LCLAT1: variants seen among roughly 807,000 people sequenced by gnomAD.
LCLAT1 encodes the protein lysocardiolipin acyltransferase 1, also known as 1-AGP acyltransferase 8.
Under a neutral mutation model 30.7 loss-of-function variants are expected in LCLAT1, and 11 were observed. The ratio of observed to expected loss-of-function variants is 0.36; its 90% confidence interval spans 0.23 to 0.59. The LOEUF is 0.59. Among genes scored for constraint, LCLAT1 ranks in the 20% least tolerant of loss-of-function variants. The pLI is 0.77. For synonymous variants in LCLAT1, 155 were observed against 151.3 expected (o/e 1.02, Z -0.18); for missense variants, 402 against 458.6 (o/e 0.88, Z 1.13).
Position 30,568,049 on chromosome 2 carries a change from GT to G in LCLAT1, c.512-7del. The G allele has an allele frequency of 1.5e-6, 2 of 1,374,276 alleles. No individual in the cohort carries two copies. The highest frequency in any genetic ancestry group is 2.4e-5 in the South Asian group (2 of 81,878). 85.1% of individuals were successfully genotyped at this position (1,374,276 alleles called of 1,614,324 possible). On this transcript the variant is annotated splice_polypyrimidine_tract_variant and intron_variant, in intron 4 of 5. Coordinates refer to ENST00000379509, the MANE Select transcript of LCLAT1 (RefSeq NM_001002257.3). ...AGTTTATGATTTATAATGGTCCATT[GT>G]TTTGTTTAGAAAACAGCAAGTCTCG...
intron 4 of LCLAT1, among the ~76,000 whole-genome samples, chr2:30,563,053 C>CTT (rs77787354): frequency 2.7e-5 from 4 of 146,640 alleles, no homozygotes; most frequent in Admixed American, 2.1e-4. Flanking sequence ...AAATATTAAA[C>CTT]TTTTTTTTTT....
At chr2:30,459,641 T>A in intron 1 of LCLAT1, 1 of 1,614,066 alleles carries the variant, frequency 6.2e-7, no homozygotes, top group Non-Finnish European at 8.5e-7. Context: ...GAAATTGTGG[T>A]GCTTCTGAAC....
chr2:30,533,061 TTACC>T (rs1286371593), intron 2 of LCLAT1, 51 bp from the exon 3 acceptor site: 14 of 1,253,790 alleles, frequency 1.1e-5, no homozygotes, highest in Admixed American at 3.4e-5. Flanking sequence ...ATGATAAAAT[TTACC>T]TATGGAAAAT....
intron 5 of LCLAT1, among the ~76,000 whole-genome samples, chr2:30,615,542 A>G (rs1344383433): frequency 1.3e-5 from 2 of 152,150 alleles, no homozygotes; most frequent in Non-Finnish European, 2.9e-5. Flanking sequence ...GCTTTTGGCC[A>G]GTGATCAGGA....
At chr2:30,493,238 T>G (rs1683920318) in intron 1 of LCLAT1, among the ~76,000 whole-genome samples, 1 of 152,232 alleles carries the variant, frequency 6.6e-6, no homozygotes, top group African/African-American at 2.4e-5. Context: ...GACTTTCATA[T>G]AGTGAAACTC....
chr2:30,523,144 A>C (rs1685554058), intron 1 of LCLAT1, among the ~76,000 whole-genome samples: 1 of 152,052 alleles, frequency 6.6e-6, no homozygotes, highest in Admixed American at 6.5e-5. Context: ...AGAAAAAAAA[A>C]CAGTAGATAG....
At chr2:30,633,717 T>TA (rs1230814806) in intron 5 of LCLAT1, among the ~76,000 whole-genome samples, 1 of 152,192 alleles carries the variant, frequency 6.6e-6, no homozygotes, top group Non-Finnish European at 1.5e-5. Context: ...AAGTTACATG[T>TA]TTATATAGTC....
chr2:30,593,012 T>A (rs1666765086), intron 5 of LCLAT1, among the ~76,000 whole-genome samples: 2 of 152,162 alleles, frequency 1.3e-5, no homozygotes, highest in Non-Finnish European at 2.9e-5. Flanking sequence ...TAGAACTTAC[T>A]CCTTCTAACT....
intron 3 of LCLAT1, among the ~76,000 whole-genome samples, chr2:30,561,416 G>A (rs17009740): frequency 0.071 from 10,871 of 152,102 alleles, 649 homozygotes; most frequent in African/African-American, 0.16. Flanking sequence ...TGCTTTGTGG[G>A]CTATTGGACA....
intron 1 of LCLAT1, among the ~76,000 whole-genome samples, chr2:30,506,166 T>C (rs1684648603): frequency 6.6e-6 from 1 of 152,146 alleles, no homozygotes; most frequent in South Asian, 2.1e-4. Context: ...AAGCTTGTTA[T>C]CTTGTAACTT....
intron 1 of LCLAT1, among the ~76,000 whole-genome samples, chr2:30,497,471 G>A (rs1178216563): frequency 2.0e-5 from 3 of 152,030 alleles, no homozygotes; most frequent in African/African-American, 7.2e-5. Context: ...AACTATTTTT[G>A]TGCCATTTTG....
At chr2:30,472,388 C>T (rs1682843692) in intron 1 of LCLAT1, among the ~76,000 whole-genome samples, 1 of 152,074 alleles carries the variant, frequency 6.6e-6, no homozygotes, top group Non-Finnish European at 1.5e-5. Flanking sequence ...CAGATTAAGC[C>T]TTTTAATGTT....
Position 30,641,664 on chromosome 2 carries a change from A to C in LCLAT1, c.*1045A>C, listed in dbSNP as rs1572736011. 6.6e-6 allele frequency: 1 copy of C among 152,330 alleles called. No individual in the cohort carries two copies. Among genetic ancestry groups the C allele is most frequent in the East Asian group, 1.9e-4 (1 of 5,190 alleles). The allele number at this position is 152,330 out of a possible 1,614,324, so 9.4% of individuals were successfully genotyped here. A position where few individuals can be genotyped will look rare whatever the true frequency, so the allele number is the denominator to read the frequency against. ...CTTGACAAATTTTACCTTAAAACCAAAATGAAACACAAAAATTAATCCTTA... is the reference window on the plus strand; with the variant it reads ...CTTGACAAATTTTACCTTAAAACCACAATGAAACACAAAAATTAATCCTTA... On this transcript the variant is annotated 3_prime_UTR_variant, in exon 6 of 6. Coordinates refer to ENST00000379509, the MANE Select transcript of LCLAT1 (RefSeq NM_001002257.3).
At chr2:30,469,647 G>A (rs1437050095) in intron 1 of LCLAT1, among the ~76,000 whole-genome samples, 2 of 141,662 alleles carry the variant, frequency 1.4e-5, no homozygotes, top group Non-Finnish European at 3.0e-5. Context: ...GGTGTGATCT[G>A]GACTCACTAC....
intron 5 of LCLAT1, among the ~76,000 whole-genome samples, chr2:30,602,830 G>A (rs923907744): frequency 2.0e-5 from 3 of 152,094 alleles, no homozygotes; most frequent in African/African-American, 4.8e-5. Flanking sequence ...CTCAGCCCTG[G>A]CTTCCCATCC....
intron 5 of LCLAT1, among the ~76,000 whole-genome samples, chr2:30,602,445 G>T (rs1214025197): frequency 1.3e-5 from 2 of 152,158 alleles, no homozygotes; most frequent in African/African-American, 4.8e-5. Flanking sequence ...GCTACAACGT[G>T]AATTTTGTTT....
At chr2:30,615,911 G>A (rs1667973276) in intron 5 of LCLAT1, among the ~76,000 whole-genome samples, 1 of 152,204 alleles carries the variant, frequency 6.6e-6, no homozygotes, top group South Asian at 2.1e-4. Flanking sequence ...TCACATTGGA[G>A]TATAATCAGT....
chr2:30,537,081 A>T (rs987772254), intron 3 of LCLAT1, among the ~76,000 whole-genome samples: 1 of 152,224 alleles, frequency 6.6e-6, no homozygotes, highest in African/African-American at 2.4e-5. Context: ...AGTGTATCAG[A>T]TAAGATAGAC....
chr2:30,623,335 T>G (rs1458266048), intron 5 of LCLAT1, among the ~76,000 whole-genome samples: 1 of 152,080 alleles, frequency 6.6e-6, no homozygotes, highest in African/African-American at 2.4e-5. Context: ...ATTACGGGCA[T>G]GAGCCACCAC....
Sources: gnomAD v4.1 joint callset for allele counts (sites outside exome capture counted in the v4.1 genomes callset) on GRCh38, gnomAD v4.1.1 for gene constraint, MANE v1.5 for transcripts, NCBI Gene and HGNC (gene_info 2026-07-23, HGNC 2026-07-21) for gene names.